MOV10L1: variants seen among roughly 807,000 people sequenced by gnomAD.
MOV10L1 encodes the protein RNA helicase Mov10l1.
In MOV10L1, 110 loss-of-function variants were observed where a neutral mutation model predicts 143.8. The ratio of observed to expected loss-of-function variants is 0.76; its 90% CI spans 0.66 to 0.90. The LOEUF (loss-of-function observed/expected upper bound fraction) is 0.90. Among genes scored for constraint, MOV10L1 ranks in the 40% least tolerant of loss-of-function variants. The pLI is 0.00. For synonymous variants in MOV10L1, 593 were observed against 581.1 expected, an observed-to-expected ratio of 1.02 and a Z score of -0.29; for missense variants, 1,406 against 1,526.8, an observed-to-expected ratio of 0.92 and a Z score of 1.32.
At position 50,152,108 on chromosome 22, in the gene MOV10L1, C is replaced by T. The variant is rs535419638; in HGVS notation, c.2893-937C>T. 8.9e-4 allele frequency among the ~76,000 whole-genome samples: 136 copies of T among 152,168 alleles called. 2 individuals carry two copies. The highest frequency in any genetic ancestry group is 3.0e-3 in the African/African-American group (124 of 41,564). ...GGAGGACTCACGGGGCCAATCATGG[C>T]GTTCTCGTGCCAGTGTCATCTGGCG... On this transcript the variant is annotated intron_variant, in intron 21 of 26. Coordinates refer to ENST00000262794, the MANE Select transcript of MOV10L1 (RefSeq NM_018995.3). This position sits in a 1 kb window ranked among gnomAD's most constrained non-coding sequence, Gnocchi z 4.4.
intron 13 of MOV10L1, among the ~76,000 whole-genome samples, chr22:50,130,846 G>A (rs546661577): frequency 1.3e-4 from 20 of 152,274 alleles, no homozygotes; most frequent in East Asian, 7.7e-4. Context: ...GGGATATCTC[G>A]TTGTGGATTT....
intron 2 of MOV10L1, chr22:50,093,568 G>A (rs1220371157): frequency 6.6e-6 from 1 of 151,988 alleles, no homozygotes; most frequent in Non-Finnish European, 1.5e-5. Flanking sequence ...GAGTATAGTA[G>A]TGCGATTATA....
rs1270945201 is a variant in MOV10L1 at position 50,090,065 on chromosome 22, G to T, written c.-24G>T. 1.2e-5 allele frequency: 15 copies of T among 1,243,242 alleles called. No individual in the cohort carries two copies. Among genetic ancestry groups the T allele is most frequent in the Non-Finnish European group, 1.5e-5 (15 of 990,302 alleles). 77.0% of individuals were successfully genotyped at this position (1,243,242 alleles called of 1,614,324 possible). ...TGCGGGCGGCGGCAGCGGCGGTGAC[G>T]GCAGCCTAGGCCGGGCGAGGGCCAT... On this transcript the variant is annotated 5_prime_UTR_variant, in exon 1 of 27. Transcript: ENST00000262794.
chr22:50,159,756 CAA>C lies in MOV10L1; in HGVS notation c.3296_3297del (p.Gln1099ArgfsTer14). 1 of 1,612,474 alleles carries C rather than the reference CAA, an allele frequency of 6.2e-7. No individual in the cohort carries two copies. Among genetic ancestry groups the C allele is most frequent in the South Asian group, 1.1e-5 (1 of 90,900 alleles). On this transcript the variant is annotated frameshift_variant, in exon 24 of 27. Coordinates refer to ENST00000262794, the MANE Select transcript of MOV10L1 (RefSeq NM_018995.3). LOFTEE classifies it high-confidence loss of function. The surrounding 1 kb of genome is among the most constrained non-coding windows in gnomAD (Gnocchi z 4.1). ...TGGATCAGTAGAGGAGTTTCAAGGA[CAA>C]GAGTATCTGGTCATCATCATTTCGA... is the stretch of plus-strand genomic sequence containing the variant. ...KVGSVEEFQGQEYLVIIISTV... is the reference protein window; with the variant it reads ...KVGSVEEFQGXEYLVIIISTV...
At chr22:50,106,630 G>T (rs918121055) in intron 3 of MOV10L1, among the ~76,000 whole-genome samples, 3 of 151,310 alleles carry the variant, frequency 2.0e-5, no homozygotes, top group Non-Finnish European at 4.4e-5. Flanking sequence ...ATGAAGGCAT[G>T]GTTTACAAAA....
chr22:50,099,979 TTTTTTGTTTTTGTTTTTG>T (rs71670155), intron 3 of MOV10L1, among the ~76,000 whole-genome samples: 2 of 151,220 alleles, frequency 1.3e-5, no homozygotes, highest in Non-Finnish European at 3.0e-5. Flanking sequence ...CTGTTTTGTT[TTTTTTGTTTTTGTTTTTG>T]TTTTTGTTTT....
At chr22:50,097,311 G>A (rs2062614405) in intron 2 of MOV10L1, among the ~76,000 whole-genome samples, 1 of 152,080 alleles carries the variant, frequency 6.6e-6, no homozygotes, top group Non-Finnish European at 1.5e-5. Flanking sequence ...GCCTCTCTAT[G>A]TTGCCCAGGC....
intron 10 of MOV10L1, among the ~76,000 whole-genome samples, 172 bp from the exon 11 acceptor site, chr22:50,125,220 G>A (rs983408806): frequency 6.6e-6 from 1 of 152,236 alleles, no homozygotes; most frequent in Non-Finnish European, 1.5e-5. Flanking sequence ...CATGGCCCTC[G>A]TGCTGAAGGC....
At position 50,161,050 on chromosome 22, in the gene MOV10L1, GCA is replaced by G; in HGVS notation, c.3550_3551del (p.Gln1184LysfsTer33). The stretch of plus-strand genomic sequence containing the variant: ...ATTTACCTCCTGCACTGCAGTCTCT[GCA>G]AAAGTGAGCGCTTCTGCTGTCTTCC... Reference protein sequence around the residue: ...CDLPPALQSLQNCGEGVADPS... With the variant: ...CDLPPALQSLXNCGEGVADPS... On this transcript the variant is annotated frameshift_variant, in exon 26 of 27. Coordinates refer to ENST00000262794, the MANE Select transcript of MOV10L1 (RefSeq NM_018995.3). LOFTEE classifies it low-confidence loss of function (END_TRUNC). The G allele has an allele frequency of 6.2e-7, 1 of 1,613,826 alleles. No individual in the cohort carries two copies. Among genetic ancestry groups the G allele is most frequent in the Non-Finnish European group, 8.5e-7 (1 of 1,179,874 alleles).
chr22:50,150,973 C>G, intron 21 of MOV10L1, 74 bp downstream of exon 21: 1 of 1,568,020 alleles, frequency 6.4e-7, no homozygotes, highest in Non-Finnish European at 8.7e-7. Flanking sequence ...GAGCAGCTCA[C>G]TCTTCTGTCC....
intron 10 of MOV10L1, among the ~76,000 whole-genome samples, 162 bp downstream of exon 10, chr22:50,120,778 G>A (rs559383015): frequency 6.6e-6 from 1 of 152,184 alleles, no homozygotes; most frequent in Non-Finnish European, 1.5e-5. Context: ...GAGGGATGAG[G>A]CACCATAGCA....
intron 8 of MOV10L1, among the ~76,000 whole-genome samples, chr22:50,116,660 CTTTTTTTT>C (rs397867977): frequency 4.8e-4 from 50 of 104,116 alleles, no homozygotes; most frequent in East Asian, 1.8e-3. Flanking sequence ...TAGATGCTTA[CTTTTTTTT>C]TTTTTTTTTT....
intron 19 of MOV10L1, among the ~76,000 whole-genome samples, chr22:50,148,038 C>T (rs1254302928): frequency 6.6e-6 from 1 of 152,246 alleles, no homozygotes; most frequent in Non-Finnish European, 1.5e-5. Flanking sequence ...CAGTGGGACA[C>T]CTGAGGCTCA....
rs767696214 is a variant in MOV10L1 at position 50,161,030 on chromosome 22, C to A, written c.3529C>A (p.Pro1177Thr). 1 of 1,614,022 alleles carries A rather than the reference C, an allele frequency of 6.2e-7. No individual in the cohort carries two copies. Among genetic ancestry groups the A allele is most frequent in the African/African-American group, 1.3e-5 (1 of 74,926 alleles). ...CGGTGTTTACATGGGATGCGATTTACCTCCTGCACTGCAGTCTCTGCAAAA... is the reference window on the plus strand; with the variant it reads ...CGGTGTTTACATGGGATGCGATTTAACTCCTGCACTGCAGTCTCTGCAAAA... ...TNGVYMGCDL[P>T]PALQSLQNCG... The change falls in exon 26 of 27, where the codon CCT becomes ACT. Residue 1177 changes from proline to threonine, a missense_variant. Pro to Thr is a conservative substitution (Grantham distance 38). Coordinates refer to ENST00000262794, the MANE Select transcript of MOV10L1 (RefSeq NM_018995.3).
chr22:50,117,710 C>T (rs1447254751), intron 9 of MOV10L1, among the ~76,000 whole-genome samples: 2 of 152,200 alleles, frequency 1.3e-5, no homozygotes, highest in African/African-American at 4.8e-5. Flanking sequence ...GTGTGTAGTG[C>T]ACGGCATCCC....
At chr22:50,114,119 C>T (rs955849551) in intron 6 of MOV10L1, among the ~76,000 whole-genome samples, 6 of 151,600 alleles carry the variant, frequency 4.0e-5, no homozygotes, top group African/African-American at 7.3e-5. Context: ...GGGGTTTCAC[C>T]GTGTTAGCCA....
chr22:50,119,981 T>C (rs531191645), intron 9 of MOV10L1, among the ~76,000 whole-genome samples: 2 of 152,254 alleles, frequency 1.3e-5, no homozygotes, highest in South Asian at 2.1e-4. Context: ...TGTTGCCGCA[T>C]TGGGCTTGGC....
intron 15 of MOV10L1, among the ~76,000 whole-genome samples, chr22:50,134,887 T>A (rs900541511): frequency 6.6e-6 from 1 of 152,160 alleles, no homozygotes; most frequent in Non-Finnish European, 1.5e-5. Context: ...AAAAATAGAT[T>A]TAGTGTAAAG....
intron 19 of MOV10L1, 151 bp downstream of exon 19, chr22:50,145,961 C>A: frequency 1.6e-6 from 2 of 1,270,614 alleles, no homozygotes; most frequent in Non-Finnish European, 2.2e-6. Flanking sequence ...TTGGGGAGGG[C>A]CGTGCCTGAA....
Sources: allele counts gnomAD v4.1 joint callset (sites outside exome capture counted in the v4.1 genomes callset), GRCh38; gene constraint gnomAD v4.1.1; non-coding constraint Gnocchi (gnomAD v3.1); transcripts MANE v1.5; gene names NCBI Gene and HGNC (gene_info 2026-07-23, HGNC 2026-07-21).